The following PGK1 variants were observed in gnomAD, a reference collection of about 807,000 sequenced individuals.
PGK1 encodes phosphoglycerate kinase 1.
PGK1 carries 3 observed loss-of-function variants against 26.9 expected under a neutral mutation model. That is an observed-to-expected ratio of 0.11 (90% CI 0.05 to 0.29). The LOEUF (loss-of-function observed/expected upper bound fraction) is 0.29, where lower values mean the gene tolerates loss of function less well. Ranked by LOEUF, PGK1 falls within the 10% of genes least tolerant of loss-of-function variation. PGK1 has a pLI of 1.00. For missense variants in PGK1, 270 were observed against 314.7 expected (o/e 0.86, Z 1.07); for synonymous variants, 125 against 115.3 (o/e 1.08, Z -0.54).
chrX:78,118,451 C>T (rs2078336864), intron 6 of PGK1, among the ~76,000 whole-genome samples: 1 of 110,033 alleles, frequency 9.1e-6, no homozygotes, highest in African/African-American at 3.3e-5. Flanking sequence ...TGGTGGTATG[C>T]ACCTGTGGTC....
chrX:78,118,751 G>C (rs2078338895), intron 6 of PGK1, among the ~76,000 whole-genome samples: 1 of 111,119 alleles, frequency 9.0e-6, no homozygotes, highest in Non-Finnish European at 1.9e-5. Context: ...TCAGAATTCA[G>C]AGAGGAAAGT....
chrX:78,108,537 C>T (rs1251772788), intron 1 of PGK1, among the ~76,000 whole-genome samples: 2 of 112,035 alleles, frequency 1.8e-5, no homozygotes, highest in Admixed American at 9.4e-5. Context: ...CTCAGCCTAC[C>T]TTTGGAAAGG....
chrX:78,113,618 G>C (rs1791295193), intron 2 of PGK1, 126 bp from the exon 3 acceptor site: 5 of 600,450 alleles, frequency 8.3e-6, no homozygotes, highest in African/African-American at 2.2e-5. Context: ...TTGAATTACT[G>C]ATAGTAGATT....
chrX:78,111,667 A>G (rs2078302122), intron 2 of PGK1, among the ~76,000 whole-genome samples: 1 of 112,027 alleles, frequency 8.9e-6, no homozygotes, highest in Non-Finnish European at 1.9e-5. Flanking sequence ...TATTGGTCCT[A>G]GAATAGAGCC....
At chrX:78,122,409 TTGTGTGTGTGTG>T (rs201442984) in intron 6 of PGK1, among the ~76,000 whole-genome samples, 50 of 88,955 alleles carry the variant, frequency 5.6e-4, no homozygotes, top group Middle Eastern at 5.6e-3. Context: ...TGCTCTGAAT[TTGTGTGTGTGTG>T]TGTGTGTGTG....
chrX:78,124,835 T>C (rs782633105), intron 8 of PGK1, 39 bp from the exon 9 acceptor site: 1 of 1,161,216 alleles, frequency 8.6e-7, no homozygotes, highest in Non-Finnish European at 1.2e-6. Flanking sequence ...AAGTAGCTTT[T>C]CTTGATAGCT....
At chrX:78,125,740 C>G (rs1557248610) in intron 10 of PGK1, 50 bp from the exon 11 acceptor site, 1 of 1,039,483 alleles carries the variant, frequency 9.6e-7, no homozygotes, top group African/African-American at 1.9e-5. Flanking sequence ...ATCTGGCTTA[C>G]TGGGCCCTAT....
In PGK1 at chrX:78,129,238, T is replaced by TATCTATCTATCTATCTA. The variant is rs1557249089; in HGVS notation, c.*3409_*3425dup. 9.1e-6 allele frequency: 1 copy of TATCTATCTATCTATCTA among 109,812 alleles called. No homozygotes were observed. The highest frequency in any genetic ancestry group is 1.9e-5 in the Non-Finnish European group (1 of 52,680). 9.0% of individuals were successfully genotyped at this position (109,812 alleles called of 1,213,427 possible). On this transcript the variant is annotated 3_prime_UTR_variant, in exon 11 of 11. Coordinates refer to ENST00000373316, the MANE Select transcript of PGK1 (RefSeq NM_000291.4). ...GTGTGTACCTATCTATCTATCTATC[T>TATCTATCTATCTATCTA]ATCTATCTATCTATCTATCTATCTG...
chrX:78,122,407 ATTTGTGTGTGTG>A (rs1260008891), intron 6 of PGK1, among the ~76,000 whole-genome samples: 3 of 77,587 alleles, frequency 3.9e-5, no homozygotes, highest in Admixed American at 1.4e-4. Flanking sequence ...GATGCTCTGA[ATTTGTGTGTGTG>A]TGTGTGTGTG....
At chrX:78,120,693 A>C (rs782151175) in intron 6 of PGK1, among the ~76,000 whole-genome samples, 5 of 110,717 alleles carry the variant, frequency 4.5e-5, no homozygotes, top group African/African-American at 6.6e-5. Flanking sequence ...ACAGGGTCTC[A>C]CTGTGTTGCC....
chrX:78,114,815 C>T (rs919119892), intron 4 of PGK1, among the ~76,000 whole-genome samples: 1 of 112,674 alleles, frequency 8.9e-6, no homozygotes, highest in Non-Finnish European at 1.9e-5. Flanking sequence ...AGATAACTCA[C>T]CAAACAGATT....
chrX:78,117,074 G>A (rs983986294), intron 4 of PGK1, among the ~76,000 whole-genome samples: 2 of 111,678 alleles, frequency 1.8e-5, no homozygotes, highest in Admixed American at 9.5e-5. Context: ...TAAAGCCATC[G>A]TTCAGGAATA....
intron 2 of PGK1, among the ~76,000 whole-genome samples, chrX:78,112,307 C>G (rs1415331554): frequency 8.9e-6 from 1 of 112,383 alleles, no homozygotes; most frequent in Non-Finnish European, 1.9e-5. Flanking sequence ...TTTTCTGTTT[C>G]ATTCTCAGAA....
intron 6 of PGK1, among the ~76,000 whole-genome samples, chrX:78,121,236 A>G (rs189549869): frequency 1.8e-5 from 2 of 112,589 alleles, no homozygotes; most frequent in Admixed American, 9.4e-5. Context: ...TAAGGATTCA[A>G]ATGAAGTCCA....
intron 4 of PGK1, among the ~76,000 whole-genome samples, chrX:78,114,861 G>C (rs1205338492): frequency 1.8e-5 from 2 of 112,436 alleles, no homozygotes; most frequent in East Asian, 5.6e-4. Context: ...AATATTCAAT[G>C]ATAAAACTGG....
intron 4 of PGK1, among the ~76,000 whole-genome samples, chrX:78,116,506 TG>T (rs1466228848): frequency 1.8e-5 from 2 of 112,069 alleles, no homozygotes; most frequent in East Asian, 5.6e-4. Context: ...TGACTTAAAA[TG>T]AACATCTGCT....
At chrX:78,109,541 T>A (rs1459876166) in intron 1 of PGK1, among the ~76,000 whole-genome samples, 7 of 110,509 alleles carry the variant, frequency 6.3e-5, no homozygotes, top group Non-Finnish European at 1.1e-4. Context: ...GTTTTTTTTT[T>A]AAAATTCTTT....
At chrX:78,122,409 T>TTGTGTGTGTGTGTG (rs201442984) in intron 6 of PGK1, among the ~76,000 whole-genome samples, 95 of 88,962 alleles carry the variant, frequency 1.1e-3, no homozygotes, top group African/African-American at 4.0e-3. Flanking sequence ...TGCTCTGAAT[T>TTGTGTGTGTGTGTG]TGTGTGTGTG....
At chrX:78,122,452 T>TGTGTGTGTGTG (rs2078360666) in intron 6 of PGK1, among the ~76,000 whole-genome samples, 7 of 93,498 alleles carry the variant, frequency 7.5e-5, no homozygotes, top group African/African-American at 2.5e-4. Flanking sequence ...TGTGTGTGTG[T>TGTGTGTGTGTG]TGGGGAATGT....
Sources: gnomAD v4.1 joint callset for allele counts (sites outside exome capture counted in the v4.1 genomes callset) on GRCh38, gnomAD v4.1.1 for gene constraint, MANE v1.5 for transcripts, NCBI Gene and HGNC (gene_info 2026-07-23, HGNC 2026-07-21) for gene names.